Variants in PTPRD observed in about 807,000 individuals in gnomAD.
PTPRD encodes receptor-type tyrosine-protein phosphatase delta.
A neutral mutation model predicts 214.5 loss-of-function variants in PTPRD; 34 were observed. That is an observed-to-expected ratio of 0.16 (90% CI 0.12 to 0.21). The LOEUF is 0.21. PTPRD is among the 10% of genes least tolerant of loss of function. The pLI is 1.00. For missense variants in PTPRD, 2,545 were observed against 2,398.7 expected (o/e 1.06, Z -1.27); for synonymous variants, 1,128 against 845.7 (o/e 1.33, Z -5.79).
chr9:9,761,469 G>C (rs1275180776), intron 6 of PTPRD, among the ~76,000 whole-genome samples: 15 of 152,118 alleles, frequency 9.9e-5, no homozygotes, highest in Admixed American at 5.2e-4. Flanking sequence ...ACTATTCAAT[G>C]TCTTGACTGT....
chr9:8,780,383 A>G (rs1295004711), intron 11 of PTPRD, among the ~76,000 whole-genome samples: 1 of 152,158 alleles, frequency 6.6e-6, no homozygotes, highest in East Asian at 1.9e-4. Flanking sequence ...CGCTAGGCAC[A>G]GCAGACACAA....
chr9:8,621,536 T>C (rs1486242490), intron 14 of PTPRD, among the ~76,000 whole-genome samples: 2 of 151,952 alleles, frequency 1.3e-5, no homozygotes, highest in East Asian at 1.9e-4. Flanking sequence ...TGGTTCTTTG[T>C]ACTAGGTTTA....
intron 2 of PTPRD, among the ~76,000 whole-genome samples, chr9:10,581,954 A>C (rs2072011905): frequency 6.6e-6 from 1 of 152,222 alleles, no homozygotes; most frequent in South Asian, 2.1e-4. Flanking sequence ...AATTCATAAC[A>C]ATAACCTAGA....
intron 11 of PTPRD, among the ~76,000 whole-genome samples, chr9:8,941,703 G>A (rs936338194): frequency 6.6e-6 from 1 of 152,150 alleles, no homozygotes; most frequent in Non-Finnish European, 1.5e-5. Flanking sequence ...TAAAGTGGCT[G>A]AAACAGATCT....
At chr9:9,078,280 C>T (rs771334971) in intron 10 of PTPRD, among the ~76,000 whole-genome samples, 3 of 151,946 alleles carry the variant, frequency 2.0e-5, no homozygotes, top group Non-Finnish European at 4.4e-5. Flanking sequence ...ATATTTTTTC[C>T]ACTTCGCAAG....
At chr9:9,409,567 C>T (rs776914103) in intron 8 of PTPRD, among the ~76,000 whole-genome samples, 9 of 151,902 alleles carry the variant, frequency 5.9e-5, no homozygotes, top group Non-Finnish European at 1.3e-4. Flanking sequence ...GAACTGAGAG[C>T]ACTTAAAATT....
intron 10 of PTPRD, among the ~76,000 whole-genome samples, chr9:9,168,909 T>A (rs932134679): frequency 1.1e-4 from 16 of 151,684 alleles, no homozygotes; most frequent in African/African-American, 3.6e-4. Context: ...TTTTTTGTAG[T>A]GAAGTAGAAT....
At chr9:8,340,619 A>C (rs1467154661) in intron 41 of PTPRD, 150 bp from the exon 42 acceptor site, 5 of 772,720 alleles carry the variant, frequency 6.5e-6, no homozygotes, top group African/African-American at 5.2e-5. Context: ...TTAAATAATC[A>C]AATAAGAGCA....
intron 5 of PTPRD, among the ~76,000 whole-genome samples, chr9:9,896,455 G>A (rs1259493846): frequency 6.6e-6 from 1 of 151,950 alleles, no homozygotes; most frequent in African/African-American, 2.4e-5. Flanking sequence ...TTTACTCTTA[G>A]ATAGTGCTTT....
intron 34 of PTPRD, among the ~76,000 whole-genome samples, chr9:8,439,051 T>C (rs2095453972): frequency 6.6e-6 from 1 of 152,166 alleles, no homozygotes; most frequent in African/African-American, 2.4e-5. Flanking sequence ...ATGCAAGATA[T>C]CACAGCATTA....
intron 11 of PTPRD, among the ~76,000 whole-genome samples, chr9:8,992,505 T>A (rs531504040): frequency 6.6e-6 from 1 of 152,194 alleles, no homozygotes; most frequent in Non-Finnish European, 1.5e-5. Flanking sequence ...CTGTAAGACC[T>A]TCGGCTATTC....
At chr9:9,724,167 T>C (rs554781454) in intron 7 of PTPRD, among the ~76,000 whole-genome samples, 10 of 152,274 alleles carry the variant, frequency 6.6e-5, no homozygotes, top group Admixed American at 4.6e-4. Flanking sequence ...GTACAGTCTT[T>C]AGAAAATGTG....
chr9:10,377,461 C>T (rs2097754261), intron 2 of PTPRD, among the ~76,000 whole-genome samples: 2 of 151,640 alleles, frequency 1.3e-5, no homozygotes, highest in South Asian at 2.1e-4. Context: ...CCACAACAGG[C>T]CCCGGTGTGT....
At chr9:8,368,960 A>G (rs895497521) in intron 39 of PTPRD, among the ~76,000 whole-genome samples, 2 of 152,060 alleles carry the variant, frequency 1.3e-5, no homozygotes, top group South Asian at 4.1e-4. Flanking sequence ...TCTTATCGAG[A>G]TGTTGGCATT....
intron 3 of PTPRD, among the ~76,000 whole-genome samples, chr9:10,125,735 G>C (rs2098814411): frequency 6.6e-6 from 1 of 151,694 alleles, no homozygotes; most frequent in Non-Finnish European, 1.5e-5. Context: ...GCTCGCCTCA[G>C]CCTCCCAAAG....
intron 10 of PTPRD, among the ~76,000 whole-genome samples, chr9:9,028,754 C>A (rs1277358121): frequency 2.0e-5 from 3 of 151,878 alleles, no homozygotes; most frequent in African/African-American, 7.2e-5. Context: ...ATGGGAAATG[C>A]CAGCTGAGTG....
rs118076801 is a variant in PTPRD, at chr9:8,838,443, G to A, written c.-103-104497C>T. ...CTTCTTCAAATCATTCATCTGCTTGGAAGTGTTTCAATTCTAAAATCAACT... is the reference window on the plus strand; with the variant it reads ...CTTCTTCAAATCATTCATCTGCTTGAAAGTGTTTCAATTCTAAAATCAACT... On this transcript the variant is annotated intron_variant, in intron 11 of 45. Transcript: ENST00000381196. Among the ~76,000 whole-genome samples the A allele has an allele frequency of 6.7e-3, 1,019 of 152,046 alleles. 9 individuals are homozygous for A. Among genetic ancestry groups the A allele is most frequent in the Middle Eastern group, 0.017 (5 of 294 alleles).
chr9:9,721,983 G>T (rs912727933), intron 7 of PTPRD, among the ~76,000 whole-genome samples: 1 of 151,928 alleles, frequency 6.6e-6, no homozygotes, highest in African/African-American at 2.4e-5. Flanking sequence ...CCTAGATTAA[G>T]GTATGTGTGA....
chr9:9,650,620 C>G lies in PTPRD; in HGVS notation c.-286-75839G>C, dbSNP rs1020008843. Among the ~76,000 whole-genome samples, 7 of 151,854 alleles carry G rather than the reference C, an allele frequency of 4.6e-5. 1 individual carries two copies. The highest frequency in any genetic ancestry group is 4.6e-4 in the Admixed American group (7 of 15,230). On this transcript the variant is annotated intron_variant, in intron 7 of 45. Transcript: ENST00000381196. ...AGAGGGGAACAACATATACTAGGGC[C>G]TCTCAGAGAATGAAGGGTGAGAGGA...
Sources: gnomAD v4.1 joint callset for allele counts (sites outside exome capture counted in the v4.1 genomes callset) on GRCh38, gnomAD v4.1.1 for gene constraint, MANE v1.5 for transcripts, NCBI Gene and HGNC (gene_info 2026-07-23, HGNC 2026-07-21) for gene names.